Variants in EXOC4 observed in about 807,000 individuals in gnomAD.
The protein encoded by EXOC4 is SEC8-like 1.
In EXOC4, 71 loss-of-function variants were observed where a neutral mutation model predicts 107.2. The ratio of observed to expected loss-of-function variants is 0.66; its 90% confidence interval spans 0.55 to 0.81. EXOC4 has a LOEUF of 0.81. Ranked by LOEUF, EXOC4 falls within the 30% of genes least tolerant of loss-of-function variation. The pLI is 0.00. For synonymous variants in EXOC4, 456 were observed against 441.2 expected (o/e 1.03, Z -0.42); for missense variants, 1,108 against 1,189.6 (o/e 0.93, Z 1.01).
intron 10 of EXOC4, among the ~76,000 whole-genome samples, chr7:133,810,222 A>G (rs1254893917): frequency 3.3e-5 from 5 of 152,232 alleles, no homozygotes; most frequent in Admixed American, 6.5e-5. Context: ...GTTAAAGGAT[A>G]TTTCCAGCTG....
chr7:133,445,824 C>T (rs1019316027), intron 7 of EXOC4, among the ~76,000 whole-genome samples: 7 of 151,810 alleles, frequency 4.6e-5, no homozygotes, highest in African/African-American at 1.5e-4. Context: ...ACAGCCTGGG[C>T]AACATAGCAA....
intron 14 of EXOC4, among the ~76,000 whole-genome samples, chr7:133,992,639 C>G (rs1004350348): frequency 2.6e-5 from 4 of 151,434 alleles, no homozygotes; most frequent in East Asian, 3.9e-4. Context: ...TTTACCAGTC[C>G]TAAGAGTTTT....
intron 9 of EXOC4, among the ~76,000 whole-genome samples, chr7:133,533,676 G>T (rs1800221696): frequency 6.6e-6 from 1 of 152,064 alleles, no homozygotes; most frequent in African/African-American, 2.4e-5. Flanking sequence ...AAAAGCTAGG[G>T]TAGTGCTCGG....
intron 7 of EXOC4, among the ~76,000 whole-genome samples, chr7:133,388,774 A>G (rs183216794): frequency 2.2e-3 from 329 of 152,330 alleles, no homozygotes; most frequent in Middle Eastern, 0.014. Flanking sequence ...GGATCCAAAT[A>G]AGGTTTAAAT....
chr7:134,080,358 G>T, the EXOC4 span, among the ~76,000 whole-genome samples: 1 of 152,154 alleles, frequency 6.6e-6, no homozygotes, highest in Non-Finnish European at 1.5e-5. Context: ...CTGGGGACTT[G>T]GGGAGATAAG....
intron 5 of EXOC4, among the ~76,000 whole-genome samples, chr7:133,325,831 T>A (rs1316064998): frequency 1.3e-5 from 2 of 152,244 alleles, no homozygotes; most frequent in Non-Finnish European, 2.9e-5. Flanking sequence ...CCATTCTCCC[T>A]GTCGCTTTCA....
intron 10 of EXOC4, among the ~76,000 whole-genome samples, chr7:133,666,936 A>C (rs920257911): frequency 1.3e-5 from 2 of 152,136 alleles, no homozygotes; most frequent in Non-Finnish European, 2.9e-5. Flanking sequence ...TCTTACATGC[A>C]TATATTGCAT....
intron 10 of EXOC4, among the ~76,000 whole-genome samples, chr7:133,651,579 C>T (rs1358030071): frequency 6.6e-6 from 1 of 152,132 alleles, no homozygotes; most frequent in Admixed American, 6.5e-5. Flanking sequence ...TTCCAAGATA[C>T]AGATTGCTTG....
intron 9 of EXOC4, among the ~76,000 whole-genome samples, chr7:133,483,118 A>G (rs1357130853): frequency 2.0e-5 from 3 of 152,194 alleles, no homozygotes; most frequent in Non-Finnish European, 4.4e-5. Context: ...GCAAAATACT[A>G]TTTTATTTCC....
the EXOC4 span, among the ~76,000 whole-genome samples, chr7:134,072,971 G>A: frequency 3.3e-5 from 5 of 151,816 alleles, no homozygotes; most frequent in African/African-American, 7.3e-5. Context: ...TTGGGAGGCC[G>A]AGGCAGGTGG....
intron 10 of EXOC4, among the ~76,000 whole-genome samples, chr7:133,677,422 T>C (rs1353946103): frequency 6.6e-6 from 1 of 152,162 alleles, no homozygotes; most frequent in Non-Finnish European, 1.5e-5. Context: ...GAATGTATAC[T>C]AGAATTTCTC....
chr7:133,464,557 C>T lies in EXOC4; in HGVS notation c.1183-10771C>T, dbSNP rs78940315. On this transcript the variant is annotated intron_variant, in intron 7 of 17. Coordinates refer to ENST00000253861, the MANE Select transcript of EXOC4 (RefSeq NM_021807.4). ...TTTGGAGGAGATAAAACATTGTGGACAGAGAGAACTCAGAGTTGGTGACCT... is the reference window on the plus strand; with the variant it reads ...TTTGGAGGAGATAAAACATTGTGGATAGAGAGAACTCAGAGTTGGTGACCT... Among the ~76,000 whole-genome samples the T allele has an allele frequency of 4.8e-3, 734 of 152,120 alleles. 4 individuals are homozygous for T. The highest frequency in any genetic ancestry group is 0.017 in the Middle Eastern group (5 of 294).
At chr7:134,040,119 C>T (rs543891381) in intron 17 of EXOC4, among the ~76,000 whole-genome samples, 1 of 152,268 alleles carries the variant, frequency 6.6e-6, no homozygotes, top group East Asian at 1.9e-4. Context: ...AGCGACAGTC[C>T]CACAGCTGAT....
At chr7:133,482,683 G>A (rs1161889042) in intron 9 of EXOC4, among the ~76,000 whole-genome samples, 4 of 152,044 alleles carry the variant, frequency 2.6e-5, no homozygotes. Context: ...CTCTAAATGG[G>A]AATAAAAGTA....
rs1335088983 is a variant in EXOC4 at position 133,971,400 on chromosome 7, AG to A, written c.2207-26091del. Reference sequence around the variant, plus strand: ...GAGAGAGAGAGAGAGAGAGAGAGAGAGAAAGAGAGAGAGAATATGTATTCTA... The same window carrying A: ...GAGAGAGAGAGAGAGAGAGAGAGAGAAAAGAGAGAGAGAATATGTATTCTA... On this transcript the variant is annotated intron_variant, in intron 14 of 17. Coordinates refer to ENST00000253861, the MANE Select transcript of EXOC4 (RefSeq NM_021807.4). Among the ~76,000 whole-genome samples, 553 of 129,014 alleles carry A rather than the reference AG, an allele frequency of 4.3e-3. 9 individuals carry two copies. The highest frequency in any genetic ancestry group is 0.012 in the Middle Eastern group (3 of 246). 84.6% of individuals were successfully genotyped at this position (129,014 alleles called of 152,430 possible).
intron 9 of EXOC4, among the ~76,000 whole-genome samples, chr7:133,545,977 C>T (rs1448655562): frequency 6.6e-6 from 1 of 152,098 alleles, no homozygotes; most frequent in Non-Finnish European, 1.5e-5. Flanking sequence ...TTAACTTGCT[C>T]TTGGATTGGA....
At chr7:134,023,211 A>G (rs1440998781) in intron 17 of EXOC4, among the ~76,000 whole-genome samples, 2 of 152,322 alleles carry the variant, frequency 1.3e-5, no homozygotes, top group East Asian at 1.9e-4. Flanking sequence ...TACTACTACA[A>G]TTAGTATAGT....
chr7:133,753,529 A>G (rs1035719642), intron 10 of EXOC4, among the ~76,000 whole-genome samples: 4 of 152,244 alleles, frequency 2.6e-5, no homozygotes, highest in Non-Finnish European at 4.4e-5. Context: ...TTACTACTAC[A>G]GAGATATACT....
intron 7 of EXOC4, among the ~76,000 whole-genome samples, chr7:133,388,910 C>G (rs1442436105): frequency 6.6e-6 from 1 of 152,088 alleles, no homozygotes; most frequent in Non-Finnish European, 1.5e-5. Flanking sequence ...GTAAAATTTT[C>G]CACAGTGTGG....
Sources: allele counts gnomAD v4.1 joint callset (sites outside exome capture counted in the v4.1 genomes callset), GRCh38; gene constraint gnomAD v4.1.1; transcripts MANE v1.5; gene names NCBI Gene and HGNC (gene_info 2026-07-23, HGNC 2026-07-21).